VPS8: variants seen among roughly 807,000 people sequenced by gnomAD.
VPS8 encodes vacuolar protein sorting-associated protein 8 homolog.
VPS8 carries 129 observed loss-of-function variants against 216.4 expected under a neutral mutation model. The observed-to-expected ratio is 0.60, with a 90% CI of 0.52 to 0.69. The LOEUF (loss-of-function observed/expected upper bound fraction) is 0.69. Among genes scored for constraint, VPS8 ranks in the 30% least tolerant of loss-of-function variants. The pLI, the probability that VPS8 is intolerant of heterozygous loss-of-function variation, is 0.00. For missense variants in VPS8, 1,531 were observed against 1,683.5 expected, an observed-to-expected ratio of 0.91 and a Z score of 1.59; for synonymous variants, 571 against 565.4, an observed-to-expected ratio of 1.01 and a Z score of -0.14.
At chr3:184,869,668 C>A in intron 20 of VPS8, 140 bp downstream of exon 20, 1 of 766,468 alleles carries the variant, frequency 1.3e-6, no homozygotes, top group Admixed American at 3.0e-5. Context: ...CACAGACACA[C>A]ACTTGGGGTC....
intron 1 of VPS8, among the ~76,000 whole-genome samples, chr3:184,818,367 CAAAAAA>C (rs1560238292): frequency 3.3e-5 from 5 of 151,602 alleles, no homozygotes; most frequent in African/African-American, 9.7e-5. Flanking sequence ...ATGAAAAATT[CAAAAAA>C]TTAGCTGGGC....
At chr3:185,050,915 T>C (rs1221926321) in intron 47 of VPS8, among the ~76,000 whole-genome samples, 3 of 152,202 alleles carry the variant, frequency 2.0e-5, no homozygotes, top group Non-Finnish European at 4.4e-5. Flanking sequence ...ACTACTGTTA[T>C]TAGGGACCAT....
At chr3:184,852,365 C>A in intron 10 of VPS8, 135 bp from the exon 11 acceptor site, 2 of 651,574 alleles carry the variant, frequency 3.1e-6, no homozygotes, top group Non-Finnish European at 5.2e-6. Flanking sequence ...GAGTGATGAG[C>A]ACTGAATCTA....
intron 35 of VPS8, 36 bp downstream of exon 35, chr3:184,936,371 T>G: frequency 3.9e-6 from 6 of 1,529,308 alleles, no homozygotes; most frequent in Non-Finnish European, 5.4e-6. Flanking sequence ...GAAAAATATC[T>G]AGTGGAAAGA....
intron 21 of VPS8, among the ~76,000 whole-genome samples, chr3:184,878,884 C>G (rs1729772879): frequency 6.6e-6 from 1 of 152,060 alleles, no homozygotes; most frequent in South Asian, 2.1e-4. Context: ...GGAGATTTAT[C>G]TGTGTGTGTA....
intron 25 of VPS8, among the ~76,000 whole-genome samples, chr3:184,912,740 A>G (rs1736793840): frequency 6.6e-6 from 1 of 152,210 alleles, no homozygotes; most frequent in South Asian, 2.1e-4. Flanking sequence ...TAACAACATC[A>G]CAGATTTTGA....
At chr3:184,933,703 A>G (rs1576890742) in intron 34 of VPS8, among the ~76,000 whole-genome samples, 1 of 152,122 alleles carries the variant, frequency 6.6e-6, no homozygotes, top group African/African-American at 2.4e-5. Context: ...ACAGATGCCC[A>G]ATTTTCCCAG....
chr3:184,831,065 T>C (rs1273870770), intron 3 of VPS8, among the ~76,000 whole-genome samples: 1 of 152,184 alleles, frequency 6.6e-6, no homozygotes, highest in African/African-American at 2.4e-5. Flanking sequence ...ATTTAAAGGT[T>C]GGGCTGAGAA....
chr3:184,977,728 C>CTTTTTTTTTTTTTTTTTTTTTTTATTTT (rs55724735), intron 40 of VPS8, among the ~76,000 whole-genome samples: 1 of 126,016 alleles, frequency 7.9e-6, no homozygotes, highest in African/African-American at 2.9e-5. Context: ...CATTGCTTAT[C>CTTTTTTTTTTTTTTTTTTTTTTTATTTT]TTTTTTTTTT....
intron 36 of VPS8, among the ~76,000 whole-genome samples, chr3:184,956,394 G>A (rs1745609041): frequency 6.6e-6 from 1 of 152,176 alleles, no homozygotes; most frequent in South Asian, 2.1e-4. Flanking sequence ...TTTTCTGTGT[G>A]CCACAATATG....
At chr3:184,928,419 A>C in intron 31 of VPS8, 32 bp from the exon 32 acceptor site, 1 of 1,502,210 alleles carries the variant, frequency 6.7e-7, no homozygotes, top group South Asian at 1.4e-5. Flanking sequence ...TAAATTCTCA[A>C]GTGTTTTTAC....
Position 185,011,545 on chromosome 3 carries a change from C to T in VPS8, c.4002+11684C>T, listed in dbSNP as rs1755018589. On this transcript the variant is annotated intron_variant, in intron 45 of 47. Transcript: ENST00000625842. ...CCAAATTGTGTACAGACAGACAGTG[C>T]TTCCAGAAAGCAGCATCAGGTACTA... Among the ~76,000 whole-genome samples, 3 of 152,234 alleles carry T rather than the reference C, an allele frequency of 2.0e-5. No homozygotes were observed. In the South Asian group the frequency reaches 6.2e-4, roughly 32 times the overall value.
intron 1 of VPS8, among the ~76,000 whole-genome samples, chr3:184,813,265 C>T (rs1715561303): frequency 6.6e-6 from 1 of 152,136 alleles, no homozygotes; most frequent in Non-Finnish European, 1.5e-5. Flanking sequence ...GCACCATCCA[C>T]CCTCTACCAT....
At chr3:184,876,119 A>C (rs1378505363) in intron 21 of VPS8, among the ~76,000 whole-genome samples, 1 of 152,154 alleles carries the variant, frequency 6.6e-6, no homozygotes, top group East Asian at 1.9e-4. Flanking sequence ...CAGCACATGA[A>C]GACTTCTTGA....
intron 45 of VPS8, among the ~76,000 whole-genome samples, chr3:185,003,156 A>T (rs1431334956): frequency 1.1e-3 from 145 of 128,418 alleles, no homozygotes; most frequent in African/African-American, 1.5e-3. Flanking sequence ...ATTTTTTCTC[A>T]TTTTTTTTTT....
chr3:184,812,177 T>TGCGGTCACGTGGGC lies in VPS8; in HGVS notation c.-136_-123dup, dbSNP rs1553808277. The TGCGGTCACGTGGGC allele has an allele frequency of 4.6e-5, 7 of 152,354 alleles. No homozygotes were observed. The highest frequency in any genetic ancestry group is 2.6e-4 in the Admixed American group (4 of 15,280). The allele number at this position is 152,354 out of a possible 1,614,324, so 9.4% of individuals were successfully genotyped here. On this transcript the variant is annotated 5_prime_UTR_variant, in exon 1 of 48. Coordinates refer to ENST00000625842, the MANE Select transcript of VPS8 (RefSeq NM_001009921.3). ...GCGTGCGTGAGGCTAGAGCAGTGGG[T>TGCGGTCACGTGGGC]GCGGTCACGTGGGCCGGCGGTCCAC... is the stretch of plus-strand genomic sequence containing the variant.
At chr3:184,991,292 C>G (rs1255020288) in intron 42 of VPS8, among the ~76,000 whole-genome samples, 1 of 152,124 alleles carries the variant, frequency 6.6e-6, no homozygotes, top group Non-Finnish European at 1.5e-5. Context: ...AGTTTGCAAA[C>G]AAACAACTTA....
At chr3:185,047,880 A>G (rs1215770130) in intron 46 of VPS8, among the ~76,000 whole-genome samples, 6 of 152,184 alleles carry the variant, frequency 3.9e-5, no homozygotes, top group Non-Finnish European at 8.8e-5. Context: ...TTCTCTCTGC[A>G]TATGAGCTGG....
intron 22 of VPS8, among the ~76,000 whole-genome samples, chr3:184,888,717 A>G (rs2108890628): frequency 6.6e-6 from 1 of 152,286 alleles, no homozygotes; most frequent in Non-Finnish European, 1.5e-5. Flanking sequence ...CTGATATTCA[A>G]ATTGAGATAA....
Sources: allele counts gnomAD v4.1 joint callset (sites outside exome capture counted in the v4.1 genomes callset), GRCh38; gene constraint gnomAD v4.1.1; transcripts MANE v1.5; gene names NCBI Gene and HGNC (gene_info 2026-07-23, HGNC 2026-07-21).